The following UNC13B variants were observed in gnomAD, a reference collection of about 807,000 sequenced individuals.
The protein encoded by UNC13B is protein unc-13 homolog B.
A neutral mutation model predicts 211.0 loss-of-function variants in UNC13B; 144 were observed. The ratio of observed to expected loss-of-function variants is 0.68; its 90% CI spans 0.60 to 0.78. UNC13B has a LOEUF of 0.78. UNC13B is among the 30% of genes least tolerant of loss of function. The pLI is 0.00. For missense variants in UNC13B, 1,777 were observed against 2,002.0 expected (o/e 0.89, Z 2.14); for synonymous variants, 709 against 725.8 (o/e 0.98, Z 0.37).
intron 1 of UNC13B, among the ~76,000 whole-genome samples, chr9:35,196,279 C>A (rs527497592): frequency 6.6e-6 from 1 of 152,288 alleles, no homozygotes; most frequent in East Asian, 1.9e-4. Flanking sequence ...GGGTTACAAA[C>A]AAGGGAACTA....
chr9:35,391,361 G>A (rs542599329), intron 26 of UNC13B, among the ~76,000 whole-genome samples: 3 of 152,212 alleles, frequency 2.0e-5, no homozygotes, highest in East Asian at 1.9e-4. Flanking sequence ...GCCATTTTAT[G>A]TGTGGTAGTC....
At chr9:35,313,244 T>C (rs747200710) in intron 10 of UNC13B, among the ~76,000 whole-genome samples, 2 of 152,196 alleles carry the variant, frequency 1.3e-5, no homozygotes, top group Non-Finnish European at 2.9e-5. Context: ...GATGAAAAGC[T>C]AAAAGGAATT....
intron 1 of UNC13B, among the ~76,000 whole-genome samples, chr9:35,162,818 C>T (rs1163941639): frequency 6.6e-6 from 1 of 152,166 alleles, no homozygotes; most frequent in East Asian, 1.9e-4. Flanking sequence ...TAAGATTATT[C>T]TTCTGTTCCA....
intron 5 of UNC13B, among the ~76,000 whole-genome samples, chr9:35,241,557 G>GCACACACACACACA (rs3067420): frequency 9.0e-5 from 13 of 145,060 alleles, no homozygotes; most frequent in African/African-American, 2.8e-4. Context: ...CTGAATATAA[G>GCACACACACACACA]CACACACACA....
chr9:35,304,558 G>T lies in UNC13B; in HGVS notation c.5154G>T (p.Trp1718Cys). Residue 1718 changes from tryptophan (W) to cysteine (C), a missense_variant, in exon 9 of 40, where the codon TGG (tryptophan) becomes TGT (cysteine). Transcript: ENST00000635942. Reference protein sequence around the residue: ...DSSVHLSSFHWLQSSVEEVTT... With the variant: ...DSSVHLSSFHCLQSSVEEVTT... Reference sequence around the variant, plus strand: ...CAGTTCACCTTTCCAGTTTCCATTGGCTTCAGTCTTCTGTTGAAGAAGTTA... The same window carrying T: ...CAGTTCACCTTTCCAGTTTCCATTGTCTTCAGTCTTCTGTTGAAGAAGTTA... The T allele has an allele frequency of 2.5e-6, 1 of 398,632 alleles. No homozygotes were observed. The highest frequency in any genetic ancestry group is 4.4e-6 in the Non-Finnish European group (1 of 225,884). 24.7% of individuals were successfully genotyped at this position (398,632 alleles called of 1,614,324 possible). A position where few individuals can be genotyped will look rare whatever the true frequency, so the allele number is the denominator to read the frequency against.
chr9:35,362,641 A>G (rs1324481829), intron 11 of UNC13B, among the ~76,000 whole-genome samples: 2 of 152,074 alleles, frequency 1.3e-5, no homozygotes, highest in Non-Finnish European at 2.9e-5. Flanking sequence ...AACCCTGTAA[A>G]TACAAAAAAT....
At chr9:35,313,015 C>T (rs1002100422) in intron 10 of UNC13B, among the ~76,000 whole-genome samples, 3 of 152,126 alleles carry the variant, frequency 2.0e-5, no homozygotes, top group African/African-American at 7.2e-5. Flanking sequence ...GAACAAAATT[C>T]TGCCCTAAGG....
rs985806360 is a variant in UNC13B at position 35,305,739 on chromosome 9, C to T, written c.6335C>T (p.Thr2112Ile). The T allele has an allele frequency of 5.0e-6, 2 of 398,844 alleles. No individual in the cohort carries two copies. Among genetic ancestry groups the T allele is most frequent in the African/African-American group, 2.1e-5 (1 of 48,620 alleles). 24.7% of individuals were successfully genotyped at this position (398,844 alleles called of 1,614,324 possible). The change falls in exon 9 of 40, where the codon ACA (threonine) becomes ATA (isoleucine). Residue 2112 changes from threonine to isoleucine, a missense_variant. Transcript: ENST00000635942. ...GAAACTAGTGGTGTGACTACAGTGA[C>T]AGAAGTTTCAAAAAGTAATGAAATA... ...SVETSGVTTV[T>I]EVSKSNEISF...
chr9:35,289,939 G>A (rs898490084), intron 7 of UNC13B, among the ~76,000 whole-genome samples: 17 of 152,174 alleles, frequency 1.1e-4, no homozygotes, highest in African/African-American at 2.9e-4. Flanking sequence ...TCGTGTCACC[G>A]CACTCCAACC....
chr9:35,178,270 G>A (rs554056426), intron 1 of UNC13B, among the ~76,000 whole-genome samples: 28 of 152,088 alleles, frequency 1.8e-4, no homozygotes, highest in Non-Finnish European at 3.5e-4. Flanking sequence ...GCATTATTGG[G>A]AGGCCAAGAC....
chr9:35,395,303 A>G (rs73645464), intron 26 of UNC13B, among the ~76,000 whole-genome samples: 163 of 152,288 alleles, frequency 1.1e-3, no homozygotes, highest in African/African-American at 3.8e-3. Flanking sequence ...TCACTGCTTC[A>G]TAGAAGAGAC....
intron 7 of UNC13B, among the ~76,000 whole-genome samples, chr9:35,287,883 A>G (rs1188249752): frequency 2.0e-5 from 3 of 151,628 alleles, no homozygotes; most frequent in African/African-American, 7.3e-5. Flanking sequence ...GATGTTCCAT[A>G]GATATCTCAG....
chr9:35,196,395 G>A (rs1320443150), intron 1 of UNC13B, among the ~76,000 whole-genome samples: 1 of 152,228 alleles, frequency 6.6e-6, no homozygotes, highest in Non-Finnish European at 1.5e-5. Flanking sequence ...CAGAGTCAGT[G>A]TGAATAGGAT....
intron 24 of UNC13B, 80 bp from the exon 25 acceptor site, chr9:35,389,766 G>C: frequency 6.6e-7 from 1 of 1,507,204 alleles, no homozygotes; most frequent in South Asian, 1.2e-5. Flanking sequence ...AAGGGGAAGA[G>C]AAAGAGGATC....
Position 35,269,913 on chromosome 9 carries a change from T to C in UNC13B, c.526+10863T>C, listed in dbSNP as rs1336193952. 3.9e-5 allele frequency among the ~76,000 whole-genome samples: 6 copies of C among 152,300 alleles called. No homozygotes were observed. In the East Asian group the frequency reaches 1.2e-3, roughly 29 times the overall value. On this transcript the variant is annotated intron_variant, in intron 7 of 39. Transcript: ENST00000635942. ...ACTATGGACACATGATTTTTTTTTT[T>C]GAACCCAGTGTTTTGTAATCCTGTT...
At chr9:35,355,266 GA>G (rs1384843110) in intron 11 of UNC13B, among the ~76,000 whole-genome samples, 1 of 152,188 alleles carries the variant, frequency 6.6e-6, no homozygotes, top group African/African-American at 2.4e-5. Flanking sequence ...GTAAGAAACG[GA>G]TACATTGTTG....
chr9:35,376,288 A>C (rs765237804), intron 15 of UNC13B, 41 bp downstream of exon 15: 1 of 1,596,326 alleles, frequency 6.3e-7, no homozygotes, highest in Admixed American at 1.7e-5. Flanking sequence ...GTGGGGCAGC[A>C]GGGGCTTTCC....
rs955430489 is a variant in UNC13B at position 35,307,863 on chromosome 9, G to A, written c.8459G>A (p.Ser2820Asn). Residue 2820 changes from serine (S) to asparagine (N), a missense_variant, in exon 9 of 40, where the codon AGT becomes AAT. Ser to Asn is a conservative substitution (Grantham distance 46). Transcript: ENST00000635942. ...AAGTTGTCAACTCTATTTGAGGGAAGTAGTGAGGGGAAAGGGAGTGTATTA... is the reference window on the plus strand; with the variant it reads ...AAGTTGTCAACTCTATTTGAGGGAAATAGTGAGGGGAAAGGGAGTGTATTA... Reference protein sequence around the residue: ...FKKLSTLFEGSSEGKGSVLAS... With the variant: ...FKKLSTLFEGNSEGKGSVLAS... The A allele has an allele frequency of 2.5e-6, 1 of 399,016 alleles. No homozygotes were observed. Among genetic ancestry groups the A allele is most frequent in the African/African-American group, 2.1e-5 (1 of 48,750 alleles). 24.7% of individuals were successfully genotyped at this position (399,016 alleles called of 1,614,324 possible). A position where few individuals can be genotyped will look rare whatever the true frequency, so the allele number is the denominator to read the frequency against.
chr9:35,300,494 T>C lies in UNC13B; in HGVS notation c.1090T>C (p.Phe364Leu), dbSNP rs1829619409. 3 of 398,966 alleles carry C rather than the reference T, an allele frequency of 7.5e-6. No homozygotes were observed. The East Asian group carries it at 1.1e-4, about 14-fold the overall frequency. 24.7% of individuals were successfully genotyped at this position (398,966 alleles called of 1,614,324 possible). A position where few individuals can be genotyped will look rare whatever the true frequency, so the allele number is the denominator to read the frequency against. The part of the protein sequence containing the change: ...SSGSNQHVTN[F>L]TSLDILEDST... ...TGGCTCAAACCAGCATGTCACTAAT[T>C]TTACCTCATTAGATATTCTTGAAGA... The change falls in exon 9 of 40, where the codon TTT (phenylalanine) becomes CTT (leucine). Residue 364 changes from phenylalanine (F) to leucine (L), a missense_variant. Coordinates refer to ENST00000635942, the MANE Select transcript of UNC13B (RefSeq NM_001371189.2).
Sources: gnomAD v4.1 joint callset for allele counts (sites outside exome capture counted in the v4.1 genomes callset) on GRCh38, gnomAD v4.1.1 for gene constraint, MANE v1.5 for transcripts, NCBI Gene and HGNC (gene_info 2026-07-23, HGNC 2026-07-21) for gene names.